HDHD5: variants seen among roughly 807,000 people sequenced by gnomAD.
HDHD5 encodes haloacid dehalogenase like hydrolase domain containing 5.
Under a neutral mutation model 35.5 loss-of-function variants are expected in HDHD5, and 34 were observed. The ratio of observed to expected loss-of-function variants is 0.96; its 90% CI spans 0.73 to 1.28. HDHD5 has a LOEUF of 1.28. Ranked by LOEUF, HDHD5 falls within the 50% of genes most tolerant of loss-of-function variation. The pLI is 0.00. For synonymous variants in HDHD5, 248 were observed against 240.6 expected, an observed-to-expected ratio of 1.03 and a Z score of -0.29; for missense variants, 589 against 560.2, an observed-to-expected ratio of 1.05 and a Z score of -0.52.
intron 1 of HDHD5, among the ~76,000 whole-genome samples, chr22:17,150,959 T>C (rs1318678811): frequency 6.6e-6 from 1 of 152,224 alleles, no homozygotes; most frequent in Non-Finnish European, 1.5e-5. Context: ...CTATGAAAAA[T>C]AATGCTACAA....
chr22:17,137,672 C>A lies in HDHD5; in HGVS notation c.*349G>T. On this transcript the variant is annotated 3_prime_UTR_variant, in exon 8 of 8. Transcript: ENST00000336737. Reference sequence around the variant, plus strand: ...CTTCAGTGCCGGCAAAGGCTCTGCACAGACATCCACAGTATTCCACACTGC... The same window carrying A: ...CTTCAGTGCCGGCAAAGGCTCTGCAAAGACATCCACAGTATTCCACACTGC... The A allele has an allele frequency of 4.2e-6, 1 of 240,440 alleles. No homozygotes were observed. The highest frequency in any genetic ancestry group is 5.1e-5 in the Admixed American group (1 of 19,550). The allele number at this position is 240,440 out of a possible 1,614,324, so 14.9% of individuals were successfully genotyped here.
At chr22:17,148,405 C>T (rs753032207) in intron 3 of HDHD5, 43 bp downstream of exon 3, 3 of 1,508,072 alleles carry the variant, frequency 2.0e-6, no homozygotes, top group Admixed American at 1.7e-5. Flanking sequence ...AACACCTCAG[C>T]CCTGCCCCTT....
At chr22:17,138,875 T>C in intron 6 of HDHD5, 137 bp from the exon 7 acceptor site, 2 of 855,358 alleles carry the variant, frequency 2.3e-6, no homozygotes, top group Non-Finnish European at 3.7e-6. Flanking sequence ...TAGCAGACAC[T>C]GTGCAGGCAC....
intron 1 of HDHD5, among the ~76,000 whole-genome samples, chr22:17,156,854 C>T (rs563178605): frequency 2.0e-5 from 3 of 150,946 alleles, no homozygotes; most frequent in African/African-American, 4.9e-5. Flanking sequence ...CCAAGGCAGG[C>T]GGATCATGAG....
chr22:17,150,451 G>T (rs1483025417), intron 1 of HDHD5, among the ~76,000 whole-genome samples: 1 of 151,198 alleles, frequency 6.6e-6, no homozygotes, highest in Non-Finnish European at 1.5e-5. Context: ...CCTTTCTAAT[G>T]TTAACACACA....
At chr22:17,149,520 AT>A in intron 2 of HDHD5, 21 bp downstream of exon 2, 1 of 1,608,304 alleles carries the variant, frequency 6.2e-7, no homozygotes, top group Non-Finnish European at 8.5e-7. Flanking sequence ...TTGGGCTTCC[AT>A]GCCTCTGGCT....
Position 17,145,306 on chromosome 22 carries a change from G to A in HDHD5, c.444-189C>T, listed in dbSNP as rs1277845394. 1.6e-5 allele frequency: 8 copies of A among 496,328 alleles called. No individual in the cohort carries two copies. The South Asian group carries it at 6.9e-4, about 43-fold the overall frequency. 30.7% of individuals were successfully genotyped at this position (496,328 alleles called of 1,614,324 possible). ...CAGGCAGGCTGTAACTGCACAGGTAGAGTAGAGAGGGCAGCTCCTGGGTAA... is the reference window on the plus strand; with the variant it reads ...CAGGCAGGCTGTAACTGCACAGGTAAAGTAGAGAGGGCAGCTCCTGGGTAA... On this transcript the variant is annotated intron_variant, in intron 3 of 7. Transcript: ENST00000336737.
At chr22:17,157,076 T>TCTCACACACACACACTCTCACACACA (rs1555881505) in intron 1 of HDHD5, among the ~76,000 whole-genome samples, 7 of 56,114 alleles carry the variant, frequency 1.2e-4, no homozygotes, top group African/African-American at 4.6e-4. Flanking sequence ...AGACACCGTC[T>TCTCACACACACACACTCTCACACACA]CACACACATA....
At chr22:17,141,479 C>T in intron 5 of HDHD5, 2 of 1,331,978 alleles carry the variant, frequency 1.5e-6, no homozygotes, top group Non-Finnish European at 1.9e-6. Context: ...CAGTGCTTCA[C>T]AGAAGAGGTT....
Position 17,137,637 on chromosome 22 carries a change from G to GCA in HDHD5, c.*383_*384insTG. On this transcript the variant is annotated 3_prime_UTR_variant, in exon 8 of 8. Coordinates refer to ENST00000336737, the MANE Select transcript of HDHD5 (RefSeq NM_033070.3). ...CTGGTGTTAAGACACTCTGCCGACA[G>GCA]GCTGCATGCCTTCAGTGCCGGCAAA... 5.2e-6 allele frequency: 1 copy of GCA among 191,006 alleles called. No individual in the cohort carries two copies. The highest frequency in any genetic ancestry group is 5.6e-5 in the Admixed American group (1 of 17,816). The allele number at this position is 191,006 out of a possible 1,614,324, so 11.8% of individuals were successfully genotyped here.
chr22:17,142,884 C>T (rs752335260), intron 5 of HDHD5: 5 of 517,412 alleles, frequency 9.7e-6, no homozygotes, highest in Non-Finnish European at 6.7e-6. Context: ...TCTAAGCTTA[C>T]GGTTTTCCTG....
chr22:17,159,410 G>A (rs1490012386), upstream of HDHD5: 1 of 760,756 alleles, frequency 1.3e-6, no homozygotes, highest in Non-Finnish European at 2.0e-6. Context: ...TCGACCCGCA[G>A]GCCAAAGGGG....
At chr22:17,154,340 G>C (rs2061760847) in intron 1 of HDHD5, among the ~76,000 whole-genome samples, 1 of 147,338 alleles carries the variant, frequency 6.8e-6, no homozygotes, top group Non-Finnish European at 1.5e-5. Flanking sequence ...AAATTAGCTG[G>C]GCGTGGTGGC....
rs761476245 is a variant in HDHD5 at position 17,138,713 on chromosome 22, A to C, written c.772T>G (p.Cys258Gly). ...ACTTTCTGGTAAATGGTTTCCAGGC[A>C]CAGCAGAAAGGTGCCATGTCCAAAC... ...PRFGHGTFLL[C>G]LETIYQKVTG... Residue 258 changes from cysteine to glycine, a missense_variant, in exon 7 of 8, where the codon TGC (cysteine) becomes GGC (glycine). Transcript: ENST00000336737. 6.2e-7 allele frequency: 1 copy of C among 1,614,226 alleles called. No homozygotes were observed. Among genetic ancestry groups the C allele is most frequent in the Non-Finnish European group, 8.5e-7 (1 of 1,180,050 alleles).
chr22:17,151,727 T>TAAAA (rs59104154), intron 1 of HDHD5, among the ~76,000 whole-genome samples: 6 of 113,124 alleles, frequency 5.3e-5, no homozygotes, highest in African/African-American at 7.7e-5. Context: ...TAGACTCTAC[T>TAAAA]AAAAAAAAAA....
At chr22:17,143,030 G>T in intron 5 of HDHD5, 68 bp downstream of exon 5, 1 of 1,571,676 alleles carries the variant, frequency 6.4e-7, no homozygotes, top group Non-Finnish European at 8.7e-7. Context: ...GTCACACTGA[G>T]ACAGCCTGAG....
chr22:17,164,256 A>G (rs1436505308), upstream of HDHD5, among the ~76,000 whole-genome samples: 1 of 149,742 alleles, frequency 6.7e-6, no homozygotes, highest in Non-Finnish European at 1.5e-5. Context: ...CAATAGGTGA[A>G]TGACTGTTCA....
intron 5 of HDHD5, 61 bp downstream of exon 5, chr22:17,143,037 T>A: frequency 1.3e-6 from 2 of 1,587,254 alleles, no homozygotes; most frequent in Non-Finnish European, 1.7e-6. Flanking sequence ...TGAGACAGCC[T>A]GAGGGCCAGA....
At chr22:17,155,395 G>A (rs1398566560) in intron 1 of HDHD5, among the ~76,000 whole-genome samples, 2 of 151,836 alleles carry the variant, frequency 1.3e-5, no homozygotes, top group African/African-American at 4.8e-5. Context: ...ACAGACGCGC[G>A]CCAACACACC....
Sources: gnomAD v4.1 joint callset for allele counts (sites outside exome capture counted in the v4.1 genomes callset) on GRCh38, gnomAD v4.1.1 for gene constraint, MANE v1.5 for transcripts, NCBI Gene and HGNC (gene_info 2026-07-23, HGNC 2026-07-21) for gene names.